The following MTURN variants were observed in gnomAD, a reference collection of about 807,000 sequenced individuals.
The protein encoded by MTURN is maturin, neural progenitor differentiation regulator homolog, also known as maturin.
Under a neutral mutation model 14.9 loss-of-function variants are expected in MTURN, and 7 were observed. That is an observed-to-expected ratio of 0.47 (90% CI 0.27 to 0.88). The LOEUF (loss-of-function observed/expected upper bound fraction) is 0.88. MTURN is among the 40% of genes least tolerant of loss of function. The pLI is 0.14. For synonymous variants in MTURN, 69 were observed against 72.5 expected, an observed-to-expected ratio of 0.95 and a Z score of 0.25; for missense variants, 151 against 174.1, an observed-to-expected ratio of 0.87 and a Z score of 0.75.
chr7:30,137,563 A>G (rs927353352), intron 1 of MTURN: 1 of 469,798 alleles, frequency 2.1e-6, no homozygotes, highest in African/African-American at 2.0e-5. Context: ...AGATAGAAAG[A>G]TAGAGGATGG....
intron 2 of MTURN, among the ~76,000 whole-genome samples, chr7:30,147,142 G>A (rs1321939774): frequency 6.6e-6 from 1 of 152,222 alleles, no homozygotes; most frequent in Non-Finnish European, 1.5e-5. Context: ...TGGTTGCATA[G>A]TAGACTATGT....
chr7:30,157,682 A>C lies in MTURN; in HGVS notation c.*134A>C. 1 of 535,148 alleles carries C rather than the reference A, an allele frequency of 1.9e-6. No individual in the cohort carries two copies. Among genetic ancestry groups the C allele is most frequent in the Non-Finnish European group, 3.2e-6 (1 of 314,932 alleles). The allele number at this position is 535,148 out of a possible 1,614,324, so 33.1% of individuals were successfully genotyped here. A position where few individuals can be genotyped will look rare whatever the true frequency, so the allele number is the denominator to read the frequency against. On this transcript the variant is annotated 3_prime_UTR_variant, in exon 3 of 3. Coordinates refer to ENST00000324453, the MANE Select transcript of MTURN (RefSeq NM_152793.3). ...GCTCCCAGCATCCAAATTAAAATGA[A>C]ATACCTTTTTAACGACCACAAAATA... is the stretch of plus-strand genomic sequence containing the variant.
chr7:30,145,960 G>T (rs544606829), intron 1 of MTURN: 2 of 1,551,606 alleles, frequency 1.3e-6, no homozygotes, highest in African/African-American at 2.7e-5. Flanking sequence ...AGCAGGTGAG[G>T]TATGGACCAA....
intron 2 of MTURN, among the ~76,000 whole-genome samples, chr7:30,154,894 A>G (rs1797264029): frequency 6.6e-6 from 1 of 152,170 alleles, no homozygotes; most frequent in Admixed American, 6.5e-5. Context: ...AGGGAGCTGG[A>G]AAAAGGAACT....
rs1365400634 is a variant in MTURN, at chr7:30,143,966, C to G, written c.163-2211C>G. 2.0e-5 allele frequency among the ~76,000 whole-genome samples: 3 copies of G among 152,334 alleles called. No homozygotes were observed. The East Asian group carries it at 5.8e-4, about 29-fold the overall frequency. ...GTTTACAAGCTTTTCATAGGTGCAC[C>G]TGCTTCTGAATTAACCGCAACCTGA... On this transcript the variant is annotated intron_variant, in intron 1 of 2. Transcript: ENST00000324453.
At chr7:30,135,947 C>T (rs1291079877) in intron 1 of MTURN, among the ~76,000 whole-genome samples, 2 of 151,924 alleles carry the variant, frequency 1.3e-5, no homozygotes, top group Admixed American at 1.3e-4. Context: ...TTAATACGCA[C>T]GCGCGCCTGC....
At chr7:30,153,499 G>A (rs912275664) in intron 2 of MTURN, among the ~76,000 whole-genome samples, 3 of 152,160 alleles carry the variant, frequency 2.0e-5, no homozygotes, top group Non-Finnish European at 4.4e-5. Flanking sequence ...GTGGGTAGGG[G>A]TGTGAAGTCT....
chr7:30,139,316 C>T (rs1411506806), intron 1 of MTURN, among the ~76,000 whole-genome samples: 1 of 152,224 alleles, frequency 6.6e-6, no homozygotes, highest in Non-Finnish European at 1.5e-5. Flanking sequence ...TTAGTACTCT[C>T]ACATAATTAT....
rs1325720406 is a variant in MTURN, at chr7:30,162,444, CAAG to C, written c.*4900_*4902del. On this transcript the variant is annotated 3_prime_UTR_variant, in exon 3 of 3. Coordinates refer to ENST00000324453, the MANE Select transcript of MTURN (RefSeq NM_152793.3). ...TGAGAGCAAAATTTAGTCATCTACA[CAAG>C]AAGCAAAAGCAAGGAATAGTTGTTG... 3 of 151,728 alleles carry C rather than the reference CAAG, an allele frequency of 2.0e-5. No homozygotes were observed. Among genetic ancestry groups the C allele is most frequent in the Non-Finnish European group, 4.4e-5 (3 of 67,948 alleles). The allele number at this position is 151,728 out of a possible 1,614,324, so 9.4% of individuals were successfully genotyped here.
chr7:30,149,926 G>A (rs1040380019), intron 2 of MTURN, among the ~76,000 whole-genome samples: 2 of 152,142 alleles, frequency 1.3e-5, no homozygotes, highest in African/African-American at 4.8e-5. Flanking sequence ...CTATTTCTGT[G>A]AGCATGTTCT....
rs1435700095 is a variant in MTURN at position 30,162,510 on chromosome 7, A to G, written c.*4962A>G. The G allele has an allele frequency of 1.4e-5, 2 of 140,820 alleles. No individual in the cohort carries two copies. The highest frequency in any genetic ancestry group is 3.1e-5 in the Non-Finnish European group (2 of 64,480). The allele number at this position is 140,820 out of a possible 1,614,324, so 8.7% of individuals were successfully genotyped here. ...TTGGTTGTTGTTTTTTTTTTTTTTT[A>G]GGCAAGAAGTGTTGCCGGTAGGGTA... On this transcript the variant is annotated 3_prime_UTR_variant, in exon 3 of 3. Transcript: ENST00000324453.
At chr7:30,153,417 G>A (rs1337744658) in intron 2 of MTURN, among the ~76,000 whole-genome samples, 1 of 152,110 alleles carries the variant, frequency 6.6e-6, no homozygotes, top group Non-Finnish European at 1.5e-5. Flanking sequence ...TTATTCCCCA[G>A]CGGAAAACAT....
chr7:30,155,803 A>C (rs914339596), intron 2 of MTURN, among the ~76,000 whole-genome samples: 1 of 152,188 alleles, frequency 6.6e-6, no homozygotes, highest in Non-Finnish European at 1.5e-5. Flanking sequence ...AGAACTTCAG[A>C]GTGAAGGCAT....
In MTURN at chr7:30,135,037, A is replaced by C. The variant is rs538307595; in HGVS notation, c.-100A>C. 9.2e-3 allele frequency: 9,540 copies of C among 1,036,962 alleles called. 511 individuals carry two copies. The African/African-American group carries it at 0.12, about 13-fold the overall frequency. 64.2% of individuals were successfully genotyped at this position (1,036,962 alleles called of 1,614,324 possible). A position where few individuals can be genotyped will look rare whatever the true frequency, so the allele number is the denominator to read the frequency against. ...AGCCGGCCCAGCCCGGCCCCGGAGG[A>C]GCCCGCGCAGGCCGAGCCGAGCGCC... On this transcript the variant is annotated 5_prime_UTR_variant, in exon 1 of 3. Coordinates refer to ENST00000324453, the MANE Select transcript of MTURN (RefSeq NM_152793.3).
intron 2 of MTURN, among the ~76,000 whole-genome samples, chr7:30,149,742 G>A (rs1797180535): frequency 6.6e-6 from 1 of 152,176 alleles, no homozygotes; most frequent in African/African-American, 2.4e-5. Context: ...AATGCTACAG[G>A]TTATCAAGTG....
At chr7:30,136,316 G>T (rs1301641656) in intron 1 of MTURN, among the ~76,000 whole-genome samples, 2 of 152,176 alleles carry the variant, frequency 1.3e-5, no homozygotes, top group African/African-American at 4.8e-5. Context: ...GGGGTGGGAG[G>T]GGTGGAGTAG....
chr7:30,134,994 C>G lies in MTURN; in HGVS notation c.-143C>G. ...CGGCCGCCGCCCGCCCCACTCCGCA[C>G]CGCATGTAAACAGTCCCAGCCGGCC... On this transcript the variant is annotated 5_prime_UTR_variant, in exon 1 of 3. Transcript: ENST00000324453. 1 of 612,008 alleles carries G rather than the reference C, an allele frequency of 1.6e-6. No individual in the cohort carries two copies. The highest frequency in any genetic ancestry group is 2.1e-6 in the Non-Finnish European group (1 of 482,896). The allele number at this position is 612,008 out of a possible 1,614,324, so 37.9% of individuals were successfully genotyped here.
intron 2 of MTURN, among the ~76,000 whole-genome samples, chr7:30,150,590 A>T (rs760716919): frequency 6.6e-6 from 1 of 152,218 alleles, no homozygotes; most frequent in Non-Finnish European, 1.5e-5. Flanking sequence ...ATCAGAAAAT[A>T]TATTTTTTAA....
Position 30,135,105 on chromosome 7 carries a change from G to C in MTURN, c.-32G>C. The C allele has an allele frequency of 7.1e-7, 1 of 1,403,820 alleles. No homozygotes were observed. The highest frequency in any genetic ancestry group is 9.4e-7 in the Non-Finnish European group (1 of 1,064,602). 87.0% of individuals were successfully genotyped at this position (1,403,820 alleles called of 1,614,324 possible). On this transcript the variant is annotated 5_prime_UTR_variant, in exon 1 of 3. Transcript: ENST00000324453. ...GGAGGGCGCCTAGGAGCGGGAGGGC[G>C]GGCGGCGGCGGGAGGCGGGCGCGGG...
Sources: allele counts gnomAD v4.1 joint callset (sites outside exome capture counted in the v4.1 genomes callset), GRCh38; gene constraint gnomAD v4.1.1; transcripts MANE v1.5; gene names NCBI Gene and HGNC (gene_info 2026-07-23, HGNC 2026-07-21).